FARS2: variants seen among roughly 807,000 people sequenced by gnomAD.
FARS2 encodes phenylalanyl-tRNA synthetase 2, mitochondrial.
A neutral mutation model predicts 46.4 loss-of-function variants in FARS2; 40 were observed. That is an observed-to-expected ratio of 0.86 (90% CI 0.67 to 1.12). The LOEUF (loss-of-function observed/expected upper bound fraction) is 1.12. FARS2 is among the 50% of genes most tolerant of loss of function. The pLI is 0.00. For synonymous variants in FARS2, 234 were observed against 214.9 expected (o/e 1.09, Z -0.78); for missense variants, 513 against 567.9 (o/e 0.90, Z 0.98).
intron 5 of FARS2, among the ~76,000 whole-genome samples, chr6:5,572,846 T>C (rs1772735031): frequency 6.6e-6 from 1 of 152,234 alleles, no homozygotes; most frequent in South Asian, 2.1e-4. Flanking sequence ...ACCAACGCTA[T>C]AGTAATAACC....
At chr6:5,605,074 C>T (rs1254215697) in intron 5 of FARS2, among the ~76,000 whole-genome samples, 9 of 152,204 alleles carry the variant, frequency 5.9e-5, no homozygotes, top group East Asian at 1.9e-4. Context: ...TTGTAGGCTG[C>T]ACTTTGCCTG....
chr6:5,283,746 C>T (rs1259677925), intron 1 of FARS2, among the ~76,000 whole-genome samples: 1 of 151,622 alleles, frequency 6.6e-6, no homozygotes, highest in East Asian at 1.9e-4. Flanking sequence ...TATCCTTTAA[C>T]AGTATATCTC....
At chr6:5,495,407 G>A (rs2150369382) in intron 4 of FARS2, among the ~76,000 whole-genome samples, 1 of 152,272 alleles carries the variant, frequency 6.6e-6, no homozygotes, top group African/African-American at 2.4e-5. Flanking sequence ...AGAAGAAATT[G>A]TACATGGGGC....
intron 4 of FARS2, among the ~76,000 whole-genome samples, chr6:5,470,123 A>G (rs1765730557): frequency 6.6e-6 from 1 of 152,222 alleles, no homozygotes; most frequent in South Asian, 2.1e-4. Context: ...AAAGGAGTTA[A>G]TTTTTGATAA....
intron 3 of FARS2, among the ~76,000 whole-genome samples, chr6:5,419,935 C>T (rs1762450296): frequency 6.6e-6 from 1 of 152,134 alleles, no homozygotes; most frequent in Admixed American, 6.5e-5. Context: ...TGGAGGTTTA[C>T]ATTTTGTATT....
In FARS2 at chr6:5,506,316, C is replaced by G. The variant is rs893921575; in HGVS notation, c.905-38864C>G. Among the ~76,000 whole-genome samples the G allele has an allele frequency of 5.3e-5, 8 of 152,180 alleles. No individual in the cohort carries two copies. In the South Asian group the frequency reaches 1.0e-3, roughly 20 times the overall value. Reference sequence around the variant, plus strand: ...AGGGTGTGGGGTCAGGAGAGTCACTCTAACGGAAGTTTTTTAGCAGAGAGA... The same window carrying G: ...AGGGTGTGGGGTCAGGAGAGTCACTGTAACGGAAGTTTTTTAGCAGAGAGA... On this transcript the variant is annotated intron_variant, in intron 4 of 6. Transcript: ENST00000274680.
In FARS2 at chr6:5,482,095, T is replaced by G. The variant is rs187979022; in HGVS notation, c.904+50923T>G. 3.3e-5 allele frequency among the ~76,000 whole-genome samples: 5 copies of G among 151,940 alleles called. No homozygotes were observed. In the East Asian group the frequency reaches 9.7e-4, roughly 29 times the overall value. ...AAACCTCAGGTTTTTATTGGATAAG[T>G]AAATGGTAATATCTATCTCATAGGA... is the stretch of plus-strand genomic sequence containing the variant. On this transcript the variant is annotated intron_variant, in intron 4 of 6. Transcript: ENST00000274680.
intron 3 of FARS2, among the ~76,000 whole-genome samples, chr6:5,430,182 G>C (rs1763082169): frequency 6.6e-6 from 1 of 151,966 alleles, no homozygotes; most frequent in Non-Finnish European, 1.5e-5. Flanking sequence ...GCACAGGAAG[G>C]GAAAGGGACA....
chr6:5,760,566 A>G (rs1284427496), intron 6 of FARS2, among the ~76,000 whole-genome samples: 1 of 152,030 alleles, frequency 6.6e-6, no homozygotes, highest in Non-Finnish European at 1.5e-5. Flanking sequence ...TCGCTTTCTT[A>G]ATGATGGATT....
intron 1 of FARS2, among the ~76,000 whole-genome samples, chr6:5,341,643 G>T (rs751152118): frequency 6.6e-6 from 1 of 151,484 alleles, no homozygotes; most frequent in Non-Finnish European, 1.5e-5. Context: ...CTCAGCCTCC[G>T]GAGTAGCTAG....
chr6:5,292,087 C>T (rs1462045491), intron 1 of FARS2, among the ~76,000 whole-genome samples: 2 of 152,036 alleles, frequency 1.3e-5, no homozygotes, highest in Non-Finnish European at 2.9e-5. Flanking sequence ...TCAGAATGAA[C>T]AGGAGGTAAG....
intron 4 of FARS2, among the ~76,000 whole-genome samples, chr6:5,503,054 A>G (rs1767893948): frequency 6.6e-6 from 1 of 152,162 alleles, no homozygotes; most frequent in African/African-American, 2.4e-5. Flanking sequence ...TAGTGATGAT[A>G]TATGAAAACT....
intron 4 of FARS2, among the ~76,000 whole-genome samples, chr6:5,535,659 G>A (rs1770147775): frequency 1.3e-5 from 2 of 152,162 alleles, no homozygotes; most frequent in South Asian, 4.1e-4. Flanking sequence ...GATGTTGGTT[G>A]TGGGTTTTTC....
intron 2 of FARS2, among the ~76,000 whole-genome samples, chr6:5,396,191 TGA>T (rs1760888798): frequency 6.6e-6 from 1 of 152,210 alleles, no homozygotes; most frequent in Admixed American, 6.5e-5. Flanking sequence ...TAAAAGGTAC[TGA>T]GAGATTTTTA....
chr6:5,616,040 G>T (rs1018654839), intron 6 of FARS2, among the ~76,000 whole-genome samples: 20 of 115,574 alleles, frequency 1.7e-4, no homozygotes, highest in African/African-American at 6.4e-4. Flanking sequence ...AAAAAACAAC[G>T]AAACAAACAA....
intron 5 of FARS2, among the ~76,000 whole-genome samples, chr6:5,548,666 C>T (rs1324435849): frequency 6.6e-6 from 1 of 152,160 alleles, no homozygotes; most frequent in Admixed American, 6.5e-5. Context: ...CAGTTGCCAC[C>T]AGAATTAAGT....
At chr6:5,299,907 A>G (rs1372225535) in intron 1 of FARS2, among the ~76,000 whole-genome samples, 1 of 152,214 alleles carries the variant, frequency 6.6e-6, no homozygotes, top group Non-Finnish European at 1.5e-5. Context: ...CTCGATAGTC[A>G]CATAAGCCAA....
chr6:5,260,899 G>A (rs1011791141), upstream of FARS2: 19 of 1,397,640 alleles, frequency 1.4e-5, 1 homozygote, highest in Admixed American at 2.5e-4. Context: ...TGCGGATCGC[G>A]GACGGCGCCA....
intron 6 of FARS2, among the ~76,000 whole-genome samples, chr6:5,728,239 G>GCACAGGCTTCTTTCTCTGC (rs1561824818): frequency 6.6e-6 from 1 of 152,006 alleles, no homozygotes; most frequent in East Asian, 2.0e-4. Context: ...AATAATTTGG[G>GCACAGGCTTCTTTCTCTGC]TTTGTTTCAA....
Sources: allele counts gnomAD v4.1 joint callset (sites outside exome capture counted in the v4.1 genomes callset), GRCh38; gene constraint gnomAD v4.1.1; transcripts MANE v1.5; gene names NCBI Gene and HGNC (gene_info 2026-07-23, HGNC 2026-07-21).